Variants in ABLIM1 observed in about 807,000 individuals in gnomAD.
ABLIM1 encodes actin binding LIM protein 1.
Under a neutral mutation model 107.0 loss-of-function variants are expected in ABLIM1, and 40 were observed. The ratio of observed to expected loss-of-function variants is 0.37; its 90% CI spans 0.29 to 0.49. ABLIM1 has a LOEUF of 0.49. Ranked by LOEUF, ABLIM1 falls within the 20% of genes least tolerant of loss-of-function variation. ABLIM1 has a pLI of 0.97. For synonymous variants in ABLIM1, 357 were observed against 357.3 expected (o/e 1.00, Z 0.01); for missense variants, 857 against 1,008.5 (o/e 0.85, Z 2.04).
intron 2 of ABLIM1, among the ~76,000 whole-genome samples, chr10:114,589,856 C>T (rs2074661680): frequency 6.6e-6 from 1 of 152,058 alleles, no homozygotes; most frequent in African/African-American, 2.4e-5. Flanking sequence ...ATAAATGTAG[C>T]ATAGTCTATG....
chr10:114,792,618 C>A, the ABLIM1 span, among the ~76,000 whole-genome samples: 1 of 152,190 alleles, frequency 6.6e-6, no homozygotes, highest in Non-Finnish European at 1.5e-5. Context: ...CTGTGGGATT[C>A]TCCTCTTCTC....
intron 6 of ABLIM1, among the ~76,000 whole-genome samples, chr10:114,501,716 T>C (rs1329475895): frequency 6.6e-6 from 1 of 152,200 alleles, no homozygotes. Context: ...ACTGAAAAAT[T>C]GGGTGGAACC....
chr10:114,571,272 G>A (rs772659356), intron 4 of ABLIM1, 25 bp downstream of exon 4: 22 of 1,607,518 alleles, frequency 1.4e-5, no homozygotes, highest in South Asian at 7.7e-5. Context: ...AGGTATTCAC[G>A]TCAGTGGGTC....
chr10:114,677,002 G>T (rs967553392), intron 1 of ABLIM1, among the ~76,000 whole-genome samples: 13 of 152,170 alleles, frequency 8.5e-5, no homozygotes, highest in Admixed American at 7.9e-4. Context: ...CTCCCAAAGT[G>T]CTGGGATTAC....
At chr10:114,679,635 C>CAAAA (rs757677426) in intron 1 of ABLIM1, among the ~76,000 whole-genome samples, 1 of 86,310 alleles carries the variant, frequency 1.2e-5, no homozygotes, top group African/African-American at 3.8e-5. Context: ...AACTCCGTCT[C>CAAAA]AAAAAAAAAA....
chr10:114,682,384 G>A (rs1341998165), intron 1 of ABLIM1, among the ~76,000 whole-genome samples: 1 of 152,158 alleles, frequency 6.6e-6, no homozygotes, highest in Non-Finnish European at 1.5e-5. Flanking sequence ...AAGCTTTGCT[G>A]TTGTTTTAAA....
intron 1 of ABLIM1, among the ~76,000 whole-genome samples, chr10:114,648,717 C>A (rs1202066862): frequency 6.6e-6 from 1 of 152,108 alleles, no homozygotes; most frequent in Non-Finnish European, 1.5e-5. Context: ...GTATGAAGTA[C>A]CTTTACTTAC....
chr10:114,554,428 TCA>T (rs1477842458), intron 4 of ABLIM1, among the ~76,000 whole-genome samples: 1 of 152,190 alleles, frequency 6.6e-6, no homozygotes. Context: ...GCACAGTGGC[TCA>T]CACCTTAAAT....
At chr10:114,750,710 A>C (rs1014443602) in intron 1 of ABLIM1, among the ~76,000 whole-genome samples, 2 of 152,228 alleles carry the variant, frequency 1.3e-5, no homozygotes, top group Non-Finnish European at 2.9e-5. Flanking sequence ...GATAGTAAAA[A>C]TATTTTTTCC....
intron 8 of ABLIM1, among the ~76,000 whole-genome samples, chr10:114,476,681 A>AT (rs2056481050): frequency 1.4e-5 from 2 of 146,130 alleles, no homozygotes; most frequent in East Asian, 2.1e-4. Flanking sequence ...AATAATAATA[A>AT]AGTGCAATTT....
chr10:114,497,616 A>G (rs1590464362), intron 6 of ABLIM1, among the ~76,000 whole-genome samples: 1 of 135,814 alleles, frequency 7.4e-6, no homozygotes, highest in Admixed American at 8.3e-5. Flanking sequence ...CGGGAGGCGG[A>G]GCTTGCAGTA....
At chr10:114,688,396 G>T (rs1203984158), upstream of ABLIM1, among the ~76,000 whole-genome samples, 5 of 152,090 alleles carry the variant, frequency 3.3e-5, no homozygotes, top group African/African-American at 1.2e-4. Context: ...CAGGAAAAAA[G>T]TAATGTTTGT....
At chr10:114,540,880 G>C (rs1381189906) in intron 6 of ABLIM1, among the ~76,000 whole-genome samples, 2 of 152,162 alleles carry the variant, frequency 1.3e-5, no homozygotes, top group Non-Finnish European at 2.9e-5. Context: ...ATCACCAAAA[G>C]AGACTCCCTA....
chr10:114,471,558 C>T (rs1363103017), intron 10 of ABLIM1, among the ~76,000 whole-genome samples: 1 of 152,112 alleles, frequency 6.6e-6, no homozygotes, highest in African/African-American at 2.4e-5. Flanking sequence ...CACTAGGTGG[C>T]ACTACATGAA....
At chr10:114,790,895 G>A in the ABLIM1 span, among the ~76,000 whole-genome samples, 2 of 152,194 alleles carry the variant, frequency 1.3e-5, no homozygotes, top group African/African-American at 4.8e-5. Flanking sequence ...ACACACAAAT[G>A]CCCTAAAATT....
chr10:114,554,079 A>C (rs1177660343), intron 4 of ABLIM1, among the ~76,000 whole-genome samples: 2 of 152,232 alleles, frequency 1.3e-5, no homozygotes, highest in Non-Finnish European at 2.9e-5. Flanking sequence ...GAGGTTAATC[A>C]GAAATTTTGG....
At chr10:114,576,301 G>A (rs1432670969) in intron 2 of ABLIM1, among the ~76,000 whole-genome samples, 2 of 152,140 alleles carry the variant, frequency 1.3e-5, no homozygotes, top group Non-Finnish European at 2.9e-5. Flanking sequence ...TGGTCTACGT[G>A]TTCAGACAAG....
chr10:114,634,322 C>A (rs1284839434), intron 1 of ABLIM1, among the ~76,000 whole-genome samples: 1 of 149,582 alleles, frequency 6.7e-6, no homozygotes, highest in Non-Finnish European at 1.5e-5. Flanking sequence ...TTAGTAGAGA[C>A]GGGGTTTCAC....
intron 12 of ABLIM1, among the ~76,000 whole-genome samples, chr10:114,457,820 C>T (rs1000998092): frequency 1.3e-5 from 2 of 152,120 alleles, no homozygotes; most frequent in Non-Finnish European, 2.9e-5. Context: ...GCCTGAAATC[C>T]CAGCACTTTG....
Sources: gnomAD v4.1 joint callset for allele counts (sites outside exome capture counted in the v4.1 genomes callset) on GRCh38, gnomAD v4.1.1 for gene constraint, MANE v1.5 for transcripts, NCBI Gene and HGNC (gene_info 2026-07-23, HGNC 2026-07-21) for gene names.